Variants in AFF4 observed in about 807,000 individuals in gnomAD.
The protein encoded by AFF4 is AF4/FMR2 family member 4.
AFF4 carries 13 observed loss-of-function variants against 124.8 expected under a neutral mutation model. The observed-to-expected ratio is 0.10, with a 90% CI of 0.07 to 0.17. The LOEUF is 0.17. AFF4 is among the 10% of genes least tolerant of loss of function. The pLI, the probability that AFF4 is intolerant of heterozygous loss-of-function variation, is 1.00. For synonymous variants in AFF4, 477 were observed against 496.1 expected (o/e 0.96, Z 0.51); for missense variants, 1,092 against 1,403.8 (o/e 0.78, Z 3.55).
intron 4 of AFF4, 83 bp from the exon 5 acceptor site, chr5:132,927,290 A>C: frequency 1.7e-6 from 2 of 1,209,992 alleles, no homozygotes; most frequent in Non-Finnish European, 2.4e-6. Context: ...GTATTTATAA[A>C]TACTGGTTTC....
chr5:132,914,975 T>C (rs1183943623), intron 5 of AFF4, among the ~76,000 whole-genome samples: 2 of 152,142 alleles, frequency 1.3e-5, no homozygotes, highest in African/African-American at 4.8e-5. Flanking sequence ...GAAGTCTAAT[T>C]TTTGCTTAAA....
chr5:132,929,236 G>T (rs142390606), intron 4 of AFF4, among the ~76,000 whole-genome samples: 1 of 152,142 alleles, frequency 6.6e-6, no homozygotes, highest in East Asian at 1.9e-4. Flanking sequence ...TTTAACATTG[G>T]CATTTTATAT....
chr5:132,932,120 A>G, intron 4 of AFF4, 58 bp downstream of exon 4: 1 of 1,276,076 alleles, frequency 7.8e-7, no homozygotes, highest in Non-Finnish European at 1.1e-6. Context: ...AGAGGGTAAG[A>G]AGGTGGCAGA....
chr5:132,933,158 G>A (rs563649416), intron 3 of AFF4, among the ~76,000 whole-genome samples: 23 of 152,246 alleles, frequency 1.5e-4, no homozygotes, highest in East Asian at 3.9e-4. Flanking sequence ...AGCACTTTGC[G>A]AGGCCGAGGC....
At chr5:132,922,405 C>A (rs918277469) in intron 5 of AFF4, among the ~76,000 whole-genome samples, 1 of 151,218 alleles carries the variant, frequency 6.6e-6, no homozygotes, top group African/African-American at 2.4e-5. Flanking sequence ...ACAACAGAGA[C>A]CTTGTCTTAA....
At chr5:132,937,887 G>A (rs2150101274) in intron 1 of AFF4, 1 of 152,282 alleles carries the variant, frequency 6.6e-6, no homozygotes, top group East Asian at 1.9e-4. Context: ...GGAAGTCTTT[G>A]GAGTGAGGGG....
chr5:132,916,955 T>C (rs1272086029), intron 5 of AFF4, among the ~76,000 whole-genome samples: 1 of 152,154 alleles, frequency 6.6e-6, no homozygotes, highest in Non-Finnish European at 1.5e-5. Flanking sequence ...AGTTTCGCTC[T>C]TGTTGCCCAG....
chr5:132,912,884 A>C (rs1464928241), intron 5 of AFF4, among the ~76,000 whole-genome samples: 1 of 145,572 alleles, frequency 6.9e-6, no homozygotes, highest in Non-Finnish European at 1.5e-5. Flanking sequence ...CACACACACA[A>C]AAGGGCTGAT....
intron 5 of AFF4, among the ~76,000 whole-genome samples, chr5:132,908,774 A>ATTTT (rs374776534): frequency 1.9e-3 from 231 of 122,460 alleles, no homozygotes; most frequent in African/African-American, 2.7e-3. Flanking sequence ...ATATATATAT[A>ATTTT]TATTTTTTTT....
At chr5:132,962,884 T>G (rs1236601876) in intron 1 of AFF4, among the ~76,000 whole-genome samples, 2 of 146,870 alleles carry the variant, frequency 1.4e-5, no homozygotes, top group African/African-American at 5.1e-5. Context: ...ACTAGCTGGG[T>G]AATGTTAGCC....
intron 1 of AFF4, among the ~76,000 whole-genome samples, chr5:132,940,125 G>C (rs1205608967): frequency 6.6e-6 from 1 of 152,058 alleles, no homozygotes; most frequent in African/African-American, 2.4e-5. Context: ...GCATGAACCT[G>C]GGAGGCGGAG....
At chr5:132,915,605 T>C (rs554955181) in intron 5 of AFF4, among the ~76,000 whole-genome samples, 19 of 145,226 alleles carry the variant, frequency 1.3e-4, no homozygotes, top group African/African-American at 4.3e-4. Flanking sequence ...TCTCGTTCTG[T>C]CACTCAGGCT....
At chr5:132,939,094 C>T (rs950476554) in intron 1 of AFF4, among the ~76,000 whole-genome samples, 2 of 150,150 alleles carry the variant, frequency 1.3e-5, no homozygotes, top group African/African-American at 4.9e-5. Context: ...GTGGTGGACA[C>T]CTGTAATAGC....
At chr5:132,925,119 G>A (rs910607900) in intron 5 of AFF4, among the ~76,000 whole-genome samples, 3 of 152,060 alleles carry the variant, frequency 2.0e-5, no homozygotes, top group Admixed American at 6.6e-5. Context: ...AGGTTGCAGT[G>A]AGCCAAGATC....
chr5:132,902,110 C>T lies in AFF4; in HGVS notation c.1133+332G>A, dbSNP rs779143915. Reference sequence around the variant, plus strand: ...TGGCCCAGGCTGGAGTGAAGTGGCACGATCTCGGCTCCCTACAACCTCCAC... The same window carrying T: ...TGGCCCAGGCTGGAGTGAAGTGGCATGATCTCGGCTCCCTACAACCTCCAC... On this transcript the variant is annotated intron_variant, in intron 7 of 20. Coordinates refer to ENST00000265343, the MANE Select transcript of AFF4 (RefSeq NM_014423.4). 3.3e-5 allele frequency among the ~76,000 whole-genome samples: 5 copies of T among 152,288 alleles called. No homozygotes were observed. In the South Asian group the frequency reaches 6.2e-4, roughly 19 times the overall value.
intron 4 of AFF4, chr5:132,927,496 C>T (rs1257053307): frequency 6.7e-6 from 2 of 300,174 alleles, no homozygotes; most frequent in African/African-American, 2.3e-5. Flanking sequence ...TAATAAAACG[C>T]TAATCAGGAA....
chr5:132,951,815 AC>A (rs77266990), intron 1 of AFF4, among the ~76,000 whole-genome samples: 39,421 of 152,184 alleles, frequency 0.26, 5,894 homozygotes, highest in African/African-American at 0.41. Context: ...GGCATGAGCC[AC>A]CACACCCAGC....
rs935735273 is a variant in AFF4 at position 132,877,382 on chromosome 5, T to C, written c.*3677A>G. The C allele has an allele frequency of 1.4e-5, 3 of 216,544 alleles. No homozygotes were observed. Among genetic ancestry groups the C allele is most frequent in the South Asian group, 1.9e-4 (1 of 5,398 alleles). 13.4% of individuals were successfully genotyped at this position (216,544 alleles called of 1,614,324 possible). A position where few individuals can be genotyped will look rare whatever the true frequency, so the allele number is the denominator to read the frequency against. On this transcript the variant is annotated 3_prime_UTR_variant, in exon 21 of 21. Transcript: ENST00000265343. The stretch of plus-strand genomic sequence containing the variant: ...CTTTAACAATCTAAAGGAATACACA[T>C]TGCACCCTTGAACATTAATATTCAA...
intron 1 of AFF4, among the ~76,000 whole-genome samples, chr5:132,942,534 G>A (rs1199656266): frequency 1.3e-5 from 2 of 150,498 alleles, no homozygotes; most frequent in East Asian, 1.9e-4. Context: ...GCACCATCTC[G>A]GCTCACCACA....
Sources: gnomAD v4.1 joint callset for allele counts (sites outside exome capture counted in the v4.1 genomes callset) on GRCh38, gnomAD v4.1.1 for gene constraint, MANE v1.5 for transcripts, NCBI Gene and HGNC (gene_info 2026-07-23, HGNC 2026-07-21) for gene names.